CHN2: variants seen among roughly 807,000 people sequenced by gnomAD.
CHN2 encodes the protein chimerin 2, also known as beta-chimaerin.
In CHN2, 35 loss-of-function variants were observed where a neutral mutation model predicts 56.3. The observed-to-expected ratio is 0.62, with a 90% CI of 0.47 to 0.82. The LOEUF is 0.82. Among genes scored for constraint, CHN2 ranks in the 40% least tolerant of loss-of-function variants. The pLI is 0.00. For missense variants in CHN2, 491 were observed against 580.5 expected, an observed-to-expected ratio of 0.85 and a Z score of 1.58; for synonymous variants, 210 against 212.8, an observed-to-expected ratio of 0.99 and a Z score of 0.12.
chr7:29,278,012 T>C (rs924818955), intron 1 of CHN2, among the ~76,000 whole-genome samples: 3 of 152,030 alleles, frequency 2.0e-5, no homozygotes, highest in African/African-American at 7.2e-5. Context: ...AGCGAGTATG[T>C]GGTAGAGTGA....
chr7:29,168,807 T>A (rs752411171), intron 2 of CHN2, among the ~76,000 whole-genome samples: 2 of 152,254 alleles, frequency 1.3e-5, no homozygotes, highest in Non-Finnish European at 2.9e-5. Context: ...ATTCATGTTG[T>A]TTAGACATGT....
chr7:29,293,377 C>T (rs532377470), intron 1 of CHN2, among the ~76,000 whole-genome samples: 4 of 88,122 alleles, frequency 4.5e-5, no homozygotes, highest in Admixed American at 1.2e-4. Flanking sequence ...CCCCCCCCCC[C>T]ATATTAACTC....
At chr7:29,348,472 A>G (rs186941310) in intron 1 of CHN2, among the ~76,000 whole-genome samples, 1 of 152,082 alleles carries the variant, frequency 6.6e-6, no homozygotes, top group African/African-American at 2.4e-5. Flanking sequence ...TCATTTTCTA[A>G]GCATCTGTAT....
intron 2 of CHN2, among the ~76,000 whole-genome samples, chr7:29,355,929 G>C (rs1017111446): frequency 6.6e-6 from 1 of 151,542 alleles, no homozygotes; most frequent in Non-Finnish European, 1.5e-5. Context: ...GACTGTTAAA[G>C]GCGCCATCAC....
intron 1 of CHN2, among the ~76,000 whole-genome samples, chr7:29,204,067 CTGTGTGTGTGTGTGTGTGTGTGTG>C (rs55930139): frequency 4.7e-5 from 6 of 128,758 alleles, no homozygotes; most frequent in East Asian, 2.4e-4. Flanking sequence ...TTCTCTCTCT[CTGTGTGTGTGTGTGTGTGTGTGTG>C]TGTGTGTGTG....
At chr7:29,344,642 G>A (rs1797285559) in intron 1 of CHN2, among the ~76,000 whole-genome samples, 1 of 152,096 alleles carries the variant, frequency 6.6e-6, no homozygotes, top group African/African-American at 2.4e-5. Flanking sequence ...AGATGTCCAG[G>A]CAATAGCCTA....
intron 1 of CHN2, among the ~76,000 whole-genome samples, chr7:29,234,218 A>G (rs988422993): frequency 2.0e-4 from 30 of 152,004 alleles, no homozygotes; most frequent in Admixed American, 7.2e-4. Flanking sequence ...TAAGCCACCA[A>G]GTATATGGTA....
Position 29,354,616 on chromosome 7 carries a change from T to TC in CHN2, c.50-8dup, listed in dbSNP as rs1562541023. ...TGATGATGGATTTCTTTTTTTTTTT[T>TC]CATTCTAGATGCTGAAGAATACCAG... On this transcript the variant is annotated splice_polypyrimidine_tract_variant and intron_variant, in intron 1 of 12. Coordinates refer to ENST00000222792, the MANE Select transcript of CHN2 (RefSeq NM_004067.4). 3 of 1,585,140 alleles carry TC rather than the reference T, an allele frequency of 1.9e-6. No homozygotes were observed. The highest frequency in any genetic ancestry group is 2.6e-6 in the Non-Finnish European group (3 of 1,163,076).
intron 1 of CHN2, among the ~76,000 whole-genome samples, chr7:29,319,633 A>G (rs1394489883): frequency 6.6e-6 from 1 of 152,172 alleles, no homozygotes; most frequent in Non-Finnish European, 1.5e-5. Flanking sequence ...AGATAACACT[A>G]GGTTAGCATG....
At chr7:29,164,275 CCT>C (rs1036745426) in intron 2 of CHN2, among the ~76,000 whole-genome samples, 1 of 152,010 alleles carries the variant, frequency 6.6e-6, no homozygotes, top group African/African-American at 2.4e-5. Context: ...GTGCTTATTT[CCT>C]GTTTGTACAG....
intron 2 of CHN2, among the ~76,000 whole-genome samples, chr7:29,366,425 G>C (rs771840950): frequency 3.9e-5 from 6 of 152,168 alleles, no homozygotes; most frequent in Non-Finnish European, 7.4e-5. Flanking sequence ...TGAAGACCAG[G>C]AGGGTGGTGC....
At chr7:29,390,281 C>A (rs1801261793) in intron 3 of CHN2, among the ~76,000 whole-genome samples, 1 of 152,118 alleles carries the variant, frequency 6.6e-6, no homozygotes, top group South Asian at 2.1e-4. Context: ...TACATATTTT[C>A]TTTCTCTTAA....
intron 1 of CHN2, 79 bp downstream of exon 1, chr7:29,195,069 G>C: frequency 1.4e-6 from 2 of 1,438,250 alleles, no homozygotes; most frequent in Non-Finnish European, 1.9e-6. Flanking sequence ...GGGATGGACA[G>C]AGCCTACCTG....
chr7:29,297,761 T>G (rs1793304538), intron 1 of CHN2, among the ~76,000 whole-genome samples: 1 of 151,890 alleles, frequency 6.6e-6, no homozygotes, highest in African/African-American at 2.4e-5. Flanking sequence ...GAAATTAACC[T>G]TTCCCAGTTT....
chr7:29,363,352 A>G (rs922164363), intron 2 of CHN2, among the ~76,000 whole-genome samples: 1 of 152,182 alleles, frequency 6.6e-6, no homozygotes, highest in African/African-American at 2.4e-5. Flanking sequence ...AGGCATGGTG[A>G]TGCGTGCCTG....
At chr7:29,303,430 A>T (rs917088980) in intron 1 of CHN2, among the ~76,000 whole-genome samples, 1 of 149,470 alleles carries the variant, frequency 6.7e-6, no homozygotes, top group South Asian at 2.2e-4. Context: ...CCACCCTGAC[A>T]CCTCCCTGTC....
intron 1 of CHN2, among the ~76,000 whole-genome samples, chr7:29,273,734 T>C (rs190619472): frequency 4.6e-5 from 7 of 152,292 alleles, no homozygotes; most frequent in Admixed American, 3.9e-4. Flanking sequence ...TTTTTCAAAA[T>C]AGTGTCATTG....
intron 3 of CHN2, among the ~76,000 whole-genome samples, chr7:29,373,017 C>A (rs1799736878): frequency 6.6e-6 from 1 of 152,138 alleles, no homozygotes; most frequent in Non-Finnish European, 1.5e-5. Context: ...AGTTGTTCTC[C>A]ATTTTATATA....
chr7:29,502,955 T>C (rs1047919333), intron 9 of CHN2, among the ~76,000 whole-genome samples: 1 of 152,154 alleles, frequency 6.6e-6, no homozygotes, highest in Non-Finnish European at 1.5e-5. Flanking sequence ...TGTGTCCATG[T>C]GTTCTCACTG....
Sources: allele counts gnomAD v4.1 joint callset (sites outside exome capture counted in the v4.1 genomes callset), GRCh38; gene constraint gnomAD v4.1.1; transcripts MANE v1.5; gene names NCBI Gene and HGNC (gene_info 2026-07-23, HGNC 2026-07-21).